The following OXR1 variants were observed in gnomAD, a reference collection of about 807,000 sequenced individuals.
The protein encoded by OXR1 is oxidation resistance 1.
In OXR1, 41 loss-of-function variants were observed where a neutral mutation model predicts 104.6. The ratio of observed to expected loss-of-function variants is 0.39; its 90% CI spans 0.31 to 0.51. The LOEUF is 0.51. Among genes scored for constraint, OXR1 ranks in the 20% least tolerant of loss-of-function variants. OXR1 has a pLI of 0.77. For synonymous variants in OXR1, 348 were observed against 348.4 expected (o/e 1.00, Z 0.01); for missense variants, 955 against 1,031.9 (o/e 0.93, Z 1.02).
intron 1 of OXR1, among the ~76,000 whole-genome samples, chr8:106,290,699 A>C (rs1812710823): frequency 6.6e-6 from 1 of 152,196 alleles, no homozygotes; most frequent in Admixed American, 6.5e-5. Flanking sequence ...AAAAATACTC[A>C]TCATCACTAA....
intron 11 of OXR1, among the ~76,000 whole-genome samples, chr8:106,722,906 G>T (rs529691200): frequency 6.6e-6 from 1 of 152,266 alleles, no homozygotes; most frequent in South Asian, 2.1e-4. Flanking sequence ...TGGCACCCAG[G>T]TTTTATGCCT....
At chr8:106,737,638 AAT>A in intron 12 of OXR1, 38 bp downstream of exon 12, 1 of 779,604 alleles carries the variant, frequency 1.3e-6, no homozygotes. Context: ...CCAGAGACTA[AAT>A]ACTCCCTGTT....
chr8:106,610,039 C>T (rs959273840), intron 3 of OXR1, among the ~76,000 whole-genome samples: 12 of 151,936 alleles, frequency 7.9e-5, no homozygotes, highest in Non-Finnish European at 8.8e-5. Context: ...ACCCATAAAT[C>T]CAATTGTTCA....
In OXR1 at chr8:106,516,230, C is replaced by T. The variant is rs556080718; in HGVS notation, c.24-2713C>T. ...AGTCTCTTCTCAAAAGTCCAATGGT[C>T]TATGAGCCCTACTTGGCTGTCCCAT... On this transcript the variant is annotated intron_variant, in intron 2 of 16. Coordinates refer to ENST00000517566, the MANE Select transcript of OXR1 (RefSeq NM_001198533.2). 1.2e-4 allele frequency among the ~76,000 whole-genome samples: 18 copies of T among 152,276 alleles called. No homozygotes were observed. In the South Asian group the frequency reaches 2.7e-3, roughly 23 times the overall value.
intron 3 of OXR1, among the ~76,000 whole-genome samples, chr8:106,539,834 G>T (rs1170300967): frequency 1.3e-5 from 2 of 152,174 alleles, no homozygotes; most frequent in Non-Finnish European, 2.9e-5. Flanking sequence ...TTCGGGCTGT[G>T]TCTCATCTAG....
At chr8:106,398,162 T>G (rs1416564885) in intron 2 of OXR1, among the ~76,000 whole-genome samples, 1 of 152,160 alleles carries the variant, frequency 6.6e-6, no homozygotes, top group Non-Finnish European at 1.5e-5. Context: ...AGATCCTATT[T>G]CCAAATAAAG....
At chr8:106,524,695 G>A (rs1194680881) in intron 3 of OXR1, among the ~76,000 whole-genome samples, 4 of 152,220 alleles carry the variant, frequency 2.6e-5, no homozygotes, top group Non-Finnish European at 5.9e-5. Flanking sequence ...GGGAAAGAGC[G>A]TGCCTGGTTG....
At chr8:106,582,192 A>ATG (rs1818293526) in intron 3 of OXR1, among the ~76,000 whole-genome samples, 1 of 144,626 alleles carries the variant, frequency 6.9e-6, no homozygotes, top group Non-Finnish European at 1.5e-5. Context: ...ATATATATAT[A>ATG]TATATATATA....
In OXR1 at chr8:106,692,267, T is replaced by A. The variant is rs529774956; in HGVS notation, c.526-461T>A. 7.4e-4 allele frequency among the ~76,000 whole-genome samples: 112 copies of A among 152,146 alleles called. No homozygotes were observed. The South Asian group carries it at 0.023, about 31-fold the overall frequency. ...AAAGGCTATTCCAGTGAATGGGTTC[T>A]GCTGTATGCTTAGGTACTAAGGTAA... On this transcript the variant is annotated intron_variant, in intron 6 of 16. Transcript: ENST00000517566.
At chr8:106,385,055 T>G (rs2130425838) in intron 2 of OXR1, among the ~76,000 whole-genome samples, 1 of 152,262 alleles carries the variant, frequency 6.6e-6, no homozygotes, top group South Asian at 2.1e-4. Context: ...TAAAGAGCAT[T>G]TTGTTATTTC....
Position 106,672,007 on chromosome 8 carries a change from A to AAT in OXR1, c.221-7202_221-7201insTA, listed in dbSNP as rs1563689448. On this transcript the variant is annotated intron_variant, in intron 3 of 16. Coordinates refer to ENST00000517566, the MANE Select transcript of OXR1 (RefSeq NM_001198533.2). ...ATAATAATAATAATAATAATAATAA[A>AAT]AGGCTGTGAGGAGTCAGTAATTCAG... Among the ~76,000 whole-genome samples, 36 of 102,248 alleles carry AAT rather than the reference A, an allele frequency of 3.5e-4. 1 individual carries two copies. The highest frequency in any genetic ancestry group is 5.4e-3 in the Middle Eastern group (1 of 184). 67.1% of individuals were successfully genotyped at this position (102,248 alleles called of 152,430 possible).
intron 2 of OXR1, among the ~76,000 whole-genome samples, chr8:106,501,699 C>A (rs969731681): frequency 6.6e-6 from 1 of 152,122 alleles, no homozygotes; most frequent in Non-Finnish European, 1.5e-5. Context: ...GTAAATAGTT[C>A]GTGTTTTAAT....
chr8:106,280,525 A>G (rs1812236250), intron 1 of OXR1, among the ~76,000 whole-genome samples: 1 of 152,022 alleles, frequency 6.6e-6, no homozygotes, highest in South Asian at 2.1e-4. Flanking sequence ...TGTGTCTCTG[A>G]CTCAAATTCA....
intron 7 of OXR1, among the ~76,000 whole-genome samples, chr8:106,694,531 TTATA>T (rs1221212739): frequency 3.6e-4 from 47 of 132,072 alleles, no homozygotes; most frequent in East Asian, 1.5e-3. Flanking sequence ...ATAAATATGT[TTATA>T]TATATTTGAT....
chr8:106,623,368 A>G (rs959620959), intron 3 of OXR1, among the ~76,000 whole-genome samples: 5 of 152,100 alleles, frequency 3.3e-5, no homozygotes, highest in African/African-American at 9.7e-5. Flanking sequence ...AATAGTAATA[A>G]TAATGTTAAC....
At chr8:106,507,611 T>C (rs919256541) in intron 2 of OXR1, among the ~76,000 whole-genome samples, 9 of 152,194 alleles carry the variant, frequency 5.9e-5, no homozygotes, top group African/African-American at 2.2e-4. Context: ...AGCTGTGTGC[T>C]GAAAAGGAGA....
chr8:106,746,108 C>A (rs1835374207), intron 16 of OXR1, among the ~76,000 whole-genome samples: 1 of 152,080 alleles, frequency 6.6e-6, no homozygotes, highest in Non-Finnish European at 1.5e-5. Flanking sequence ...TAAGACCCAT[C>A]TTTTTCTTTA....
chr8:106,341,565 C>A (rs946778824), intron 1 of OXR1, among the ~76,000 whole-genome samples: 1 of 152,092 alleles, frequency 6.6e-6, no homozygotes, highest in African/African-American at 2.4e-5. Flanking sequence ...CACACATACA[C>A]CATATATATA....
At chr8:106,707,683 T>C (rs905477170) in intron 9 of OXR1, 7 of 158,612 alleles carry the variant, frequency 4.4e-5, no homozygotes, top group African/African-American at 1.7e-4. Context: ...AACACTATTT[T>C]ATCTGTCAGT....
Sources: gnomAD v4.1 joint callset for allele counts (sites outside exome capture counted in the v4.1 genomes callset) on GRCh38, gnomAD v4.1.1 for gene constraint, MANE v1.5 for transcripts, NCBI Gene and HGNC (gene_info 2026-07-23, HGNC 2026-07-21) for gene names.